Variants in STK39 observed in about 807,000 individuals in gnomAD.
STK39 encodes the protein STE20/SPS1-related proline-alanine-rich protein kinase.
A neutral mutation model predicts 77.8 loss-of-function variants in STK39; 20 were observed. The observed-to-expected ratio is 0.26, with a 90% CI of 0.18 to 0.37. The LOEUF (loss-of-function observed/expected upper bound fraction) is 0.37, where lower values mean the gene tolerates loss of function less well. STK39 is among the 10% of genes least tolerant of loss of function. The pLI is 1.00. For missense variants in STK39, 479 were observed against 656.5 expected (o/e 0.73, Z 2.95); for synonymous variants, 246 against 234.1 (o/e 1.05, Z -0.47).
chr2:168,193,532 C>A (rs567851151), intron 1 of STK39, among the ~76,000 whole-genome samples: 2 of 152,212 alleles, frequency 1.3e-5, no homozygotes, highest in African/African-American at 4.8e-5. Context: ...TGCTAAGCCC[C>A]GGTGGAAGCA....
intron 10 of STK39, among the ~76,000 whole-genome samples, chr2:168,077,147 C>T (rs1464033936): frequency 1.3e-5 from 2 of 152,144 alleles, no homozygotes; most frequent in Non-Finnish European, 2.9e-5. Flanking sequence ...ATCTATCAGA[C>T]ACAGAACAAA....
intron 12 of STK39, among the ~76,000 whole-genome samples, chr2:168,073,043 A>C (rs755837695): frequency 2.0e-5 from 3 of 152,200 alleles, no homozygotes; most frequent in Non-Finnish European, 2.9e-5. Flanking sequence ...TATGGTGCTG[A>C]GAAATCAAAT....
intron 2 of STK39, among the ~76,000 whole-genome samples, chr2:168,172,575 T>C (rs1368575858): frequency 4.6e-5 from 7 of 152,170 alleles, no homozygotes; most frequent in South Asian, 4.1e-4. Context: ...TTTAAAGATA[T>C]AAGAATTAGG....
At chr2:168,123,578 G>T (rs972729845) in intron 10 of STK39, among the ~76,000 whole-genome samples, 1 of 152,120 alleles carries the variant, frequency 6.6e-6, no homozygotes, top group Admixed American at 6.6e-5. Flanking sequence ...ATAAGAAAAA[G>T]TAAAAACAAG....
chr2:168,084,854 T>C (rs975847392), intron 10 of STK39, among the ~76,000 whole-genome samples: 3 of 152,240 alleles, frequency 2.0e-5, no homozygotes, highest in African/African-American at 7.2e-5. Context: ...CTTTTAAGAA[T>C]TCAGAAAGGT....
At chr2:168,075,496 A>T (rs1020892702) in intron 10 of STK39, among the ~76,000 whole-genome samples, 2 of 152,088 alleles carry the variant, frequency 1.3e-5, no homozygotes, top group African/African-American at 4.8e-5. Flanking sequence ...CATTGCACAT[A>T]TAAGCAATTA....
At chr2:168,127,156 G>T (rs1687564713) in intron 10 of STK39, among the ~76,000 whole-genome samples, 1 of 152,096 alleles carries the variant, frequency 6.6e-6, no homozygotes, top group African/African-American at 2.4e-5. Context: ...GTTGTTTGTT[G>T]TTGTTGTTGT....
intron 1 of STK39, among the ~76,000 whole-genome samples, chr2:168,195,992 G>A (rs1689460130): frequency 6.6e-6 from 1 of 152,130 alleles, no homozygotes; most frequent in South Asian, 2.1e-4. Flanking sequence ...ACTCCAGCCT[G>A]GGCTACAAGA....
chr2:168,147,338 C>T (rs576582655), intron 5 of STK39, among the ~76,000 whole-genome samples: 4 of 152,196 alleles, frequency 2.6e-5, no homozygotes, highest in South Asian at 2.1e-4. Flanking sequence ...TGCCAGCATC[C>T]GGCCTTCCCG....
chr2:168,005,990 C>T (rs1467800770), intron 16 of STK39, among the ~76,000 whole-genome samples: 2 of 152,138 alleles, frequency 1.3e-5, no homozygotes, highest in Admixed American at 1.3e-4. Flanking sequence ...GCTCAAAATC[C>T]GTCAAAGGAA....
rs889502371 is a variant in STK39, at chr2:168,074,968, T to C, written c.1242+14A>G. On this transcript the variant is annotated intron_variant, in intron 12 of 17. Transcript: ENST00000355999. ...ATGAAATGGCAAAATAATAAATAAA[T>C]AGCCACAGCTCACCTCTGGATTTTC... 6.2e-7 allele frequency: 1 copy of C among 1,611,726 alleles called. No individual in the cohort carries two copies. The highest frequency in any genetic ancestry group is 1.3e-5 in the African/African-American group (1 of 74,822).
At chr2:168,140,215 G>A (rs1370115780) in intron 7 of STK39, 74 bp downstream of exon 7, 2 of 1,248,774 alleles carry the variant, frequency 1.6e-6, no homozygotes, top group Non-Finnish European at 2.4e-6. Flanking sequence ...GAATGAAGAT[G>A]TTGAAGAGAA....
At chr2:168,177,110 A>G (rs1379275424) in intron 2 of STK39, among the ~76,000 whole-genome samples, 1 of 152,160 alleles carries the variant, frequency 6.6e-6, no homozygotes, top group African/African-American at 2.4e-5. Context: ...CCTTCTATCA[A>G]AGGATCAACA....
chr2:167,992,937 G>T (rs6712239), intron 16 of STK39, among the ~76,000 whole-genome samples: 63,913 of 151,942 alleles, frequency 0.42, 13,863 homozygotes, highest in African/African-American at 0.46. Flanking sequence ...CTGTTAAGTA[G>T]GAGACACTCA....
intron 14 of STK39, among the ~76,000 whole-genome samples, chr2:168,036,249 T>C (rs1386231522): frequency 2.7e-5 from 4 of 150,112 alleles, no homozygotes; most frequent in Admixed American, 6.6e-5. Context: ...CTGGCCATGG[T>C]TGAAAGATGA....
At chr2:167,993,516 C>T (rs1220106020) in intron 16 of STK39, among the ~76,000 whole-genome samples, 2 of 152,184 alleles carry the variant, frequency 1.3e-5, no homozygotes, top group Admixed American at 6.5e-5. Context: ...TCACTGGCAG[C>T]CTTCTAAGAC....
At chr2:168,103,197 G>A (rs976943378) in intron 10 of STK39, among the ~76,000 whole-genome samples, 8 of 152,224 alleles carry the variant, frequency 5.3e-5, no homozygotes, top group African/African-American at 1.7e-4. Flanking sequence ...CATGTTTCAT[G>A]TGTATTTCGT....
chr2:168,047,677 G>A (rs1016120518), intron 14 of STK39, among the ~76,000 whole-genome samples: 6 of 152,268 alleles, frequency 3.9e-5, no homozygotes, highest in Admixed American at 6.5e-5. Flanking sequence ...CAAGGTAAAG[G>A]ATTAATATAA....
At chr2:168,153,475 G>A (rs758122033) in intron 5 of STK39, among the ~76,000 whole-genome samples, 2 of 152,140 alleles carry the variant, frequency 1.3e-5, no homozygotes, top group East Asian at 1.9e-4. Context: ...TAGAGTTTCC[G>A]ATTCAGAAGG....
Sources: allele counts gnomAD v4.1 joint callset (sites outside exome capture counted in the v4.1 genomes callset), GRCh38; gene constraint gnomAD v4.1.1; transcripts MANE v1.5; gene names NCBI Gene and HGNC (gene_info 2026-07-23, HGNC 2026-07-21).